Variants in ZNF519 observed in about 807,000 individuals in gnomAD.
The protein encoded by ZNF519 is zinc finger protein 519.
A neutral mutation model predicts 7.4 loss-of-function variants in ZNF519; 7 were observed. The ratio of observed to expected loss-of-function variants is 0.94; its 90% CI spans 0.54 to 1.77. The LOEUF (loss-of-function observed/expected upper bound fraction) is 1.77, where lower values mean the gene tolerates loss of function less well. Among genes scored for constraint, ZNF519 ranks in the 40% most tolerant of loss-of-function variants. The probability of loss-of-function intolerance (pLI) is 0.00; values close to 1 mark genes in which losing one functional copy is unlikely to be tolerated. For synonymous variants in ZNF519, 179 were observed against 203.3 expected, an observed-to-expected ratio of 0.88 and a Z score of 1.02; for missense variants, 586 against 623.1, an observed-to-expected ratio of 0.94 and a Z score of 0.63.
rs975614053 is a variant in ZNF519 at position 14,104,059 on chromosome 18, T to A, written c.*858A>T. The A allele has an allele frequency of 2.0e-5, 3 of 152,160 alleles. No homozygotes were observed. Among genetic ancestry groups the A allele is most frequent in the Admixed American group, 6.5e-5 (1 of 15,284 alleles). 9.4% of individuals were successfully genotyped at this position (152,160 alleles called of 1,614,324 possible). Reference sequence around the variant, plus strand: ...TTTTCTTAAACTGAGCCTAAGTATTTAGAGGATTGAATTAATAATCTATGT... The same window carrying A: ...TTTTCTTAAACTGAGCCTAAGTATTAAGAGGATTGAATTAATAATCTATGT... On this transcript the variant is annotated 3_prime_UTR_variant, in exon 3 of 3. Coordinates refer to ENST00000590202, the MANE Select transcript of ZNF519 (RefSeq NM_145287.4).
Position 14,132,189 on chromosome 18 carries a change from G to A in ZNF519, c.3+86C>T, listed in dbSNP as rs1161278501. The A allele has an allele frequency of 5.3e-6, 8 of 1,520,794 alleles. No individual in the cohort carries two copies. The African/African-American group carries it at 6.8e-5, about 13-fold the overall frequency. 94.2% of individuals were successfully genotyped at this position (1,520,794 alleles called of 1,614,324 possible). On this transcript the variant is annotated intron_variant, in intron 1 of 2. Coordinates refer to ENST00000590202, the MANE Select transcript of ZNF519 (RefSeq NM_145287.4). ...GAGGGCTGAGCTGCAGACTCGACTC[G>A]CAGACTAGGTCCCGTCACCGCCATG...
chr18:14,103,482 A>C lies in ZNF519; in HGVS notation c.*1435T>G, dbSNP rs1303746615. The C allele has an allele frequency of 1.3e-5, 2 of 152,166 alleles. No homozygotes were observed. Among genetic ancestry groups the C allele is most frequent in the Non-Finnish European group, 2.9e-5 (2 of 67,994 alleles). 9.4% of individuals were successfully genotyped at this position (152,166 alleles called of 1,614,324 possible). On this transcript the variant is annotated 3_prime_UTR_variant, in exon 3 of 3. Coordinates refer to ENST00000590202, the MANE Select transcript of ZNF519 (RefSeq NM_145287.4). ...AAAAATGAAACTGGAAAATATTTTCAGATAAATGAAAATGAAGTTATGACA... is the reference window on the plus strand; with the variant it reads ...AAAAATGAAACTGGAAAATATTTTCCGATAAATGAAAATGAAGTTATGACA...
chr18:14,080,292 C>A (rs1198163523), intron 3 of ZNF519: 1 of 147,176 alleles, frequency 6.8e-6, no homozygotes, highest in Non-Finnish European at 1.5e-5. Flanking sequence ...AACGGTACAG[C>A]CAGTTTGGAT....
downstream of ZNF519, among the ~76,000 whole-genome samples, chr18:14,098,284 C>T (rs1411979604): frequency 6.6e-6 from 1 of 151,516 alleles, no homozygotes; most frequent in Non-Finnish European, 1.5e-5. Flanking sequence ...CCTCAGCTTA[C>T]TGAGTAGCTG....
At chr18:14,085,662 C>A (rs2046087759) in intron 2 of ZNF519, among the ~76,000 whole-genome samples, 1 of 152,148 alleles carries the variant, frequency 6.6e-6, no homozygotes. Context: ...CAACTCCAGG[C>A]AGTGCAGCAC....
At chr18:14,114,007 T>C (rs2046234760) in intron 2 of ZNF519, among the ~76,000 whole-genome samples, 1 of 152,228 alleles carries the variant, frequency 6.6e-6, no homozygotes, top group Non-Finnish European at 1.5e-5. Flanking sequence ...CCTATAGAGT[T>C]GTTTGTGTGC....
chr18:14,103,124 C>CTGTA lies in ZNF519; in HGVS notation c.*1792_*1793insTACA, dbSNP rs1288393406. On this transcript the variant is annotated 3_prime_UTR_variant, in exon 3 of 3. Coordinates refer to ENST00000590202, the MANE Select transcript of ZNF519 (RefSeq NM_145287.4). ...GAGTTTATCAGAAGTATAGAAACTT[C>CTGTA]TATACTCCAATGTAAATAATGGGCA... 1 of 152,010 alleles carries CTGTA rather than the reference C, an allele frequency of 6.6e-6. No homozygotes were observed. Among genetic ancestry groups the CTGTA allele is most frequent in the Non-Finnish European group, 1.5e-5 (1 of 67,952 alleles). The allele number at this position is 152,010 out of a possible 1,614,324, so 9.4% of individuals were successfully genotyped here.
chr18:14,124,168 T>C (rs2046284386), intron 2 of ZNF519, 182 bp downstream of exon 2: 1 of 475,200 alleles, frequency 2.1e-6, no homozygotes, highest in African/African-American at 2.1e-5. Context: ...AGCGAAACTC[T>C]GTCTCAATTA....
chr18:14,095,077 G>C (rs939526669), downstream of ZNF519, among the ~76,000 whole-genome samples: 1 of 152,178 alleles, frequency 6.6e-6, no homozygotes. Context: ...ATTGTTCCCT[G>C]AATGTTCTTG....
intron 2 of ZNF519, among the ~76,000 whole-genome samples, chr18:14,108,004 C>G (rs1312523743): frequency 6.6e-6 from 1 of 152,188 alleles, no homozygotes; most frequent in Non-Finnish European, 1.5e-5. Flanking sequence ...AGGGAACTCA[C>G]TACTCTGAAG....
intron 2 of ZNF519, among the ~76,000 whole-genome samples, chr18:14,093,100 A>G (rs115025890): frequency 8.8e-4 from 134 of 152,316 alleles, no homozygotes; most frequent in African/African-American, 3.1e-3. Flanking sequence ...GTCTTTCTCA[A>G]GAACGTGACA....
chr18:14,092,155 T>C (rs2046117117), intron 2 of ZNF519, among the ~76,000 whole-genome samples: 1 of 151,746 alleles, frequency 6.6e-6, no homozygotes, highest in African/African-American at 2.4e-5. Flanking sequence ...GATGGAGAGA[T>C]GGGGTGAAGT....
At chr18:14,111,169 T>TAAA (rs34240654) in intron 2 of ZNF519, among the ~76,000 whole-genome samples, 1 of 90,848 alleles carries the variant, frequency 1.1e-5, no homozygotes, top group Non-Finnish European at 2.2e-5. Flanking sequence ...AGTTGTTTTC[T>TAAA]AAAAAAAAAA....
At chr18:14,076,776 C>A (rs964148416) in exon 5 of ZNF519, 2 of 152,076 alleles carry the variant, frequency 1.3e-5, no homozygotes, top group African/African-American at 2.4e-5. Context: ...AAGATCTTGA[C>A]CTTTTTTAAA....
chr18:14,103,370 G>C lies in ZNF519; in HGVS notation c.*1547C>G, dbSNP rs2046171645. The C allele has an allele frequency of 6.6e-6, 1 of 151,416 alleles. No homozygotes were observed. The highest frequency in any genetic ancestry group is 6.6e-5 in the Admixed American group (1 of 15,212). The allele number at this position is 151,416 out of a possible 1,614,324, so 9.4% of individuals were successfully genotyped here. ...AGTATTTTCCCTGACTTTAGTAAAAGGAAATTAAAAATAAATGAATGCAGA... is the reference window on the plus strand; with the variant it reads ...AGTATTTTCCCTGACTTTAGTAAAACGAAATTAAAAATAAATGAATGCAGA... On this transcript the variant is annotated 3_prime_UTR_variant, in exon 3 of 3. Coordinates refer to ENST00000590202, the MANE Select transcript of ZNF519 (RefSeq NM_145287.4).
chr18:14,107,486 A>C (rs1021570776), intron 2 of ZNF519, among the ~76,000 whole-genome samples: 3 of 152,226 alleles, frequency 2.0e-5, no homozygotes, highest in African/African-American at 4.8e-5. Flanking sequence ...TGCTAGAATC[A>C]GGTGAGACTC....
chr18:14,088,618 A>G (rs1053216224), intron 2 of ZNF519, among the ~76,000 whole-genome samples: 1 of 152,228 alleles, frequency 6.6e-6, no homozygotes, highest in Non-Finnish European at 1.5e-5. Flanking sequence ...ATCAAAGAAA[A>G]GATAAAAGTT....
chr18:14,107,964 G>A (rs1043095650), intron 2 of ZNF519, among the ~76,000 whole-genome samples: 2 of 152,176 alleles, frequency 1.3e-5, no homozygotes, highest in Admixed American at 1.3e-4. Context: ...CTGGCTCCTG[G>A]ATGGCACCGA....
downstream of ZNF519, chr18:14,074,678 G>C (rs1460528776): frequency 6.6e-6 from 1 of 152,344 alleles, no homozygotes; most frequent in Non-Finnish European, 1.5e-5. Flanking sequence ...ATCTCCATCT[G>C]AGACCACCTT....
Sources: allele counts gnomAD v4.1 joint callset (sites outside exome capture counted in the v4.1 genomes callset), GRCh38; gene constraint gnomAD v4.1.1; transcripts MANE v1.5; gene names NCBI Gene and HGNC (gene_info 2026-07-23, HGNC 2026-07-21).